Variants in GLIS3 observed in about 807,000 individuals in gnomAD.
GLIS3 encodes zinc finger protein GLIS3.
In GLIS3, 53 loss-of-function variants were observed where a neutral mutation model predicts 78.6. The ratio of observed to expected loss-of-function variants is 0.67; its 90% CI spans 0.54 to 0.85. The LOEUF (loss-of-function observed/expected upper bound fraction) is 0.85, where lower values mean the gene tolerates loss of function less well. GLIS3 is among the 40% of genes least tolerant of loss of function. GLIS3 has a pLI of 0.00. For missense variants in GLIS3, 1,703 were observed against 1,231.1 expected, an observed-to-expected ratio of 1.38 and a Z score of -5.74; for synonymous variants, 684 against 509.9, an observed-to-expected ratio of 1.34 and a Z score of -4.60.
At chr9:3,860,997 C>A (rs1820177582) in intron 8 of GLIS3, among the ~76,000 whole-genome samples, 1 of 152,096 alleles carries the variant, frequency 6.6e-6, no homozygotes, top group African/African-American at 2.4e-5. Context: ...ATGGAGACAG[C>A]AAAGGGCGGG....
chr9:4,263,396 C>G (rs1352222636), intron 2 of GLIS3, among the ~76,000 whole-genome samples: 2 of 152,068 alleles, frequency 1.3e-5, no homozygotes, highest in African/African-American at 4.8e-5. Flanking sequence ...GAACCAAATA[C>G]AGACTAACAG....
chr9:4,084,256 A>ACACACACACACACACACACACAC (rs1828812518), intron 4 of GLIS3, among the ~76,000 whole-genome samples: 1 of 132,120 alleles, frequency 7.6e-6, no homozygotes, highest in Non-Finnish European at 1.6e-5. Context: ...TCCTCTCTCT[A>ACACACACACACACACACACACAC]ACACACACAC....
intron 4 of GLIS3, among the ~76,000 whole-genome samples, chr9:4,076,332 A>G (rs1260183964): frequency 5.9e-5 from 9 of 152,156 alleles, no homozygotes; most frequent in African/African-American, 2.2e-4. Flanking sequence ...TTGTCTTACT[A>G]AAACTATGTT....
chr9:3,888,898 A>G (rs899234983), intron 7 of GLIS3, among the ~76,000 whole-genome samples: 1 of 152,202 alleles, frequency 6.6e-6, no homozygotes, highest in African/African-American at 2.4e-5. Flanking sequence ...TATCCATTTC[A>G]AACATCCTTG....
At chr9:4,264,174 C>T (rs1353836741) in intron 2 of GLIS3, among the ~76,000 whole-genome samples, 1 of 152,154 alleles carries the variant, frequency 6.6e-6, no homozygotes, top group Non-Finnish European at 1.5e-5. Context: ...AATTGTATTG[C>T]CATTCACTAC....
At chr9:4,240,243 C>G (rs892811134) in intron 2 of GLIS3, among the ~76,000 whole-genome samples, 1 of 151,976 alleles carries the variant, frequency 6.6e-6, no homozygotes, top group African/African-American at 2.4e-5. Flanking sequence ...CTCAGATCAT[C>G]AGACATTAGT....
chr9:4,355,066 G>C, the GLIS3 span, among the ~76,000 whole-genome samples: 38 of 150,150 alleles, frequency 2.5e-4, no homozygotes, highest in African/African-American at 9.3e-4. Context: ...GGGAGGCGGA[G>C]GTTGCAGTGA....
At chr9:4,306,363 T>C (rs1005240135) in intron 4 of GLIS3, among the ~76,000 whole-genome samples, 20 of 152,202 alleles carry the variant, frequency 1.3e-4, no homozygotes, top group African/African-American at 4.3e-4. Context: ...TTTAATATTA[T>C]GCAAGAGAAA....
intron 4 of GLIS3, among the ~76,000 whole-genome samples, chr9:3,987,085 A>G (rs1819801525): frequency 1.3e-5 from 2 of 152,228 alleles, no homozygotes; most frequent in South Asian, 4.1e-4. Context: ...AATTCTTTTG[A>G]AACAAATGGA....
the GLIS3 span, among the ~76,000 whole-genome samples, chr9:4,418,971 A>G: frequency 1.3e-5 from 2 of 152,198 alleles, no homozygotes; most frequent in Non-Finnish European, 2.9e-5. Context: ...AAGGCTAGAG[A>G]TGGTGGTGGA....
chr9:3,981,043 A>G (rs569769), intron 4 of GLIS3, among the ~76,000 whole-genome samples: 6,367 of 152,224 alleles, frequency 0.042, 495 homozygotes, highest in African/African-American at 0.14. Flanking sequence ...AAGAAAGATG[A>G]ACTCGGGCAG....
At chr9:4,158,661 C>T (rs1835224177) in intron 2 of GLIS3, among the ~76,000 whole-genome samples, 1 of 152,134 alleles carries the variant, frequency 6.6e-6, no homozygotes, top group South Asian at 2.1e-4. Context: ...TTTGTCCATC[C>T]ATTAATTCAA....
At chr9:4,361,919 T>C in the GLIS3 span, among the ~76,000 whole-genome samples, 9 of 152,256 alleles carry the variant, frequency 5.9e-5, no homozygotes, top group Admixed American at 5.9e-4. Flanking sequence ...GTTTGGAATG[T>C]TATCTCTCTT....
At chr9:4,471,600 T>C in the GLIS3 span, among the ~76,000 whole-genome samples, 2 of 152,128 alleles carry the variant, frequency 1.3e-5, no homozygotes, top group African/African-American at 4.8e-5. Context: ...TATACAAAAA[T>C]TAATTCAAGA....
At chr9:4,028,851 T>C (rs1823572487) in intron 4 of GLIS3, among the ~76,000 whole-genome samples, 5 of 152,186 alleles carry the variant, frequency 3.3e-5, no homozygotes, top group Admixed American at 1.3e-4. Context: ...GCAGTGAAGA[T>C]AATAAAGGTA....
At chr9:4,441,255 CT>C in the GLIS3 span, among the ~76,000 whole-genome samples, 1 of 152,146 alleles carries the variant, frequency 6.6e-6, no homozygotes, top group Non-Finnish European at 1.5e-5. Flanking sequence ...AAGCTTTCAG[CT>C]TTTTCTTATT....
chr9:4,018,803 G>T (rs1255427520), intron 4 of GLIS3, among the ~76,000 whole-genome samples: 1 of 152,304 alleles, frequency 6.6e-6, no homozygotes, highest in South Asian at 2.1e-4. Flanking sequence ...CTGCAATGGA[G>T]GGAAAGAATA....
At chr9:4,141,472 A>T (rs1833809760) in intron 2 of GLIS3, among the ~76,000 whole-genome samples, 1 of 152,164 alleles carries the variant, frequency 6.6e-6, no homozygotes. Context: ...AACCTGAAGA[A>T]CCAAGAACAC....
intron 7 of GLIS3, among the ~76,000 whole-genome samples, chr9:3,896,446 C>G (rs1822835912): frequency 6.6e-6 from 1 of 151,774 alleles, no homozygotes; most frequent in Non-Finnish European, 1.5e-5. Flanking sequence ...GGGTGGATCA[C>G]CTGAGGTCAG....
Sources: gnomAD v4.1 joint callset for allele counts (sites outside exome capture counted in the v4.1 genomes callset) on GRCh38, gnomAD v4.1.1 for gene constraint, MANE v1.5 for transcripts, NCBI Gene and HGNC (gene_info 2026-07-23, HGNC 2026-07-21) for gene names.